The following AMPH variants were observed in gnomAD, a reference collection of about 807,000 sequenced individuals.
The protein encoded by AMPH is amphiphysin, also known as amphiphysin (Stiff-Mann syndrome with breast cancer 128kD autoantigen).
In AMPH, 49 loss-of-function variants were observed where a neutral mutation model predicts 99.1. The observed-to-expected ratio is 0.49, with a 90% CI of 0.39 to 0.63. The LOEUF is 0.63. Among genes scored for constraint, AMPH ranks in the 20% least tolerant of loss-of-function variants. The pLI, the probability that AMPH is intolerant of heterozygous loss-of-function variation, is 0.00. For missense variants in AMPH, 759 were observed against 863.4 expected (o/e 0.88, Z 1.52); for synonymous variants, 314 against 317.3 (o/e 0.99, Z 0.11).
At chr7:38,631,238 C>G in intron 1 of AMPH, 45 bp downstream of exon 1, 1 of 1,495,098 alleles carries the variant, frequency 6.7e-7, no homozygotes, top group Admixed American at 2.2e-5. Context: ...CGGCCAAGCC[C>G]CCGCCTGGCG....
At chr7:38,406,731 C>CCTCTCCCTCTCT (rs1785011929) in intron 17 of AMPH, among the ~76,000 whole-genome samples, 2 of 80,550 alleles carry the variant, frequency 2.5e-5, no homozygotes, top group African/African-American at 1.1e-4. Context: ...TCTCCCTTTC[C>CCTCTCCCTCTCT]CTCTCTCTCT....
At chr7:38,508,646 A>G (rs1387951146) in intron 2 of AMPH, among the ~76,000 whole-genome samples, 7 of 152,206 alleles carry the variant, frequency 4.6e-5, no homozygotes. Flanking sequence ...TACAAAGGTG[A>G]GTCCTGTCAT....
intron 17 of AMPH, among the ~76,000 whole-genome samples, chr7:38,408,367 T>C (rs1328493306): frequency 2.0e-5 from 3 of 152,242 alleles, no homozygotes; most frequent in Admixed American, 1.3e-4. Context: ...GTACACATAC[T>C]ATCTGGGCAT....
At chr7:38,423,179 CT>C (rs1785654030) in intron 15 of AMPH, among the ~76,000 whole-genome samples, 2 of 152,136 alleles carry the variant, frequency 1.3e-5, no homozygotes. Context: ...TGAATTCAAT[CT>C]CACTATATTA....
rs1554353093 is a variant in AMPH, at chr7:38,525,244, T to TTC, written c.150+9686_150+9687insGA. ...AATATATAGTTGTGTATATATGTAG[T>TTC]TGTGTGTGTGTGTGTATATATATAT... On this transcript the variant is annotated intron_variant, in intron 2 of 20. Coordinates refer to ENST00000356264, the MANE Select transcript of AMPH (RefSeq NM_001635.4). Among the ~76,000 whole-genome samples the TTC allele has an allele frequency of 6.6e-3, 804 of 122,600 alleles. 7 individuals carry two copies. Among genetic ancestry groups the TTC allele is most frequent in the Non-Finnish European group, 0.011 (659 of 62,458 alleles). 80.4% of individuals were successfully genotyped at this position (122,600 alleles called of 152,430 possible). A position where few individuals can be genotyped will look rare whatever the true frequency, so the allele number is the denominator to read the frequency against.
chr7:38,472,849 C>T (rs979687795), intron 7 of AMPH, among the ~76,000 whole-genome samples: 1 of 152,072 alleles, frequency 6.6e-6, no homozygotes, highest in Non-Finnish European at 1.5e-5. Context: ...CAAAATTATC[C>T]CTCAGATATT....
intron 5 of AMPH, among the ~76,000 whole-genome samples, chr7:38,478,314 T>A (rs369835100): frequency 6.6e-6 from 1 of 152,032 alleles, no homozygotes; most frequent in Non-Finnish European, 1.5e-5. Context: ...ACCTAAGAAT[T>A]TGAAAATATT....
intron 1 of AMPH, among the ~76,000 whole-genome samples, chr7:38,567,274 C>G (rs1191935236): frequency 6.6e-6 from 1 of 152,126 alleles, no homozygotes; most frequent in Non-Finnish European, 1.5e-5. Flanking sequence ...TCATTCTCAG[C>G]AAACTATCAC....
chr7:38,501,401 T>C (rs1056350653), intron 3 of AMPH, among the ~76,000 whole-genome samples: 1 of 152,144 alleles, frequency 6.6e-6, no homozygotes, highest in African/African-American at 2.4e-5. Context: ...CCCAGGCTCA[T>C]CTTGAACTCC....
chr7:38,538,248 T>C, intron 1 of AMPH, among the ~76,000 whole-genome samples: 1 of 152,172 alleles, frequency 6.6e-6, no homozygotes, highest in South Asian at 2.1e-4. Context: ...CCATAATAAA[T>C]GTATTACATT....
rs1794458874 is a variant in AMPH at position 38,631,372 on chromosome 7, G to C, written c.-21C>G. 6.5e-7 allele frequency: 1 copy of C among 1,536,824 alleles called. No individual in the cohort carries two copies. The highest frequency in any genetic ancestry group is 1.4e-5 in the African/African-American group (1 of 70,334). ...GCCATGGCTGCGGGTCCGGGGAGCT[G>C]CGAAGAGCAGAGCGCGCAGCGGGGC... On this transcript the variant is annotated 5_prime_UTR_variant, in exon 1 of 21. Coordinates refer to ENST00000356264, the MANE Select transcript of AMPH (RefSeq NM_001635.4).
At chr7:38,451,872 A>T (rs565672435) in intron 11 of AMPH, among the ~76,000 whole-genome samples, 2 of 152,274 alleles carry the variant, frequency 1.3e-5, no homozygotes, top group East Asian at 3.9e-4. Context: ...ATAGGGAACA[A>T]TTTTTTGGAC....
Position 38,436,358 on chromosome 7 carries a change from T to A in AMPH, c.1048A>T (p.Thr350Ser). 6.2e-7 allele frequency: 1 copy of A among 1,614,044 alleles called. No homozygotes were observed. Among genetic ancestry groups the A allele is most frequent in the Non-Finnish European group, 8.5e-7 (1 of 1,179,972 alleles). Residue 350 changes from threonine (T) to serine (S), a missense_variant, in exon 12 of 21, where the codon ACT becomes TCT. This residue lies in a region of AMPH where 554 missense variants were observed against 575.6 expected (regional missense o/e 0.96). Coordinates refer to ENST00000356264, the MANE Select transcript of AMPH (RefSeq NM_001635.4). Reference protein sequence around the residue: ...NEVPEVKKEETLLDLDFDPFK... With the variant: ...NEVPEVKKEESLLDLDFDPFK... ...GGATCAAAGTCCAGATCCAGCAAAG[T>A]CTCCTCTTTCTTCACCTCAGGGACT... is the stretch of plus-strand genomic sequence containing the variant.
At chr7:38,556,034 C>CCCTA (rs1223816001) in intron 1 of AMPH, among the ~76,000 whole-genome samples, 2 of 151,966 alleles carry the variant, frequency 1.3e-5, no homozygotes, top group African/African-American at 4.8e-5. Context: ...ATCCATTGTA[C>CCCTA]CCTAAACCTC....
In AMPH at chr7:38,422,406, C is replaced by T; in HGVS notation, c.1272+15G>A. 6.2e-7 allele frequency: 1 copy of T among 1,610,060 alleles called. No individual in the cohort carries two copies. ...ACTAACAACTTCCTGAGAGCACAAA[C>T]CCAAATCAACTTACCAAGTTGCAGA... On this transcript the variant is annotated intron_variant, in intron 16 of 20. Transcript: ENST00000356264.
chr7:38,386,700 C>T (rs1032393861), intron 20 of AMPH, among the ~76,000 whole-genome samples: 1 of 152,054 alleles, frequency 6.6e-6, no homozygotes, highest in African/African-American at 2.4e-5. Flanking sequence ...AAACAAACAA[C>T]TCTTGGTTAT....
rs187164272 is a variant in AMPH at position 38,501,471 on chromosome 7, A to T, written c.205+2179T>A. On this transcript the variant is annotated intron_variant, in intron 3 of 20. Transcript: ENST00000356264. Reference sequence around the variant, plus strand: ...AAGTGCTCGGATTAAAGGTGGTGTGAGCCACTGTGCCTGGCTGTAACTCAC... The same window carrying T: ...AAGTGCTCGGATTAAAGGTGGTGTGTGCCACTGTGCCTGGCTGTAACTCAC... Among the ~76,000 whole-genome samples, 443 of 152,288 alleles carry T rather than the reference A, an allele frequency of 2.9e-3. 1 individual carries two copies. The highest frequency in any genetic ancestry group is 0.01 in the African/African-American group (433 of 41,554).
At chr7:38,580,515 T>C (rs974347673) in intron 1 of AMPH, among the ~76,000 whole-genome samples, 2 of 152,106 alleles carry the variant, frequency 1.3e-5, no homozygotes, top group Non-Finnish European at 2.9e-5. Flanking sequence ...ATATCAAGCC[T>C]GGGGTCGCCA....
chr7:38,387,303 C>T (rs1051431602), intron 20 of AMPH, among the ~76,000 whole-genome samples: 1 of 152,050 alleles, frequency 6.6e-6, no homozygotes, highest in African/African-American at 2.4e-5. Context: ...AGAAATATGC[C>T]CTGAGATGGC....
Sources: gnomAD v4.1 joint callset for allele counts (sites outside exome capture counted in the v4.1 genomes callset) on GRCh38, gnomAD v4.1.1 for gene constraint, gnomAD v4.1.1 regional missense constraint, MANE v1.5 for transcripts, NCBI Gene and HGNC (gene_info 2026-07-23, HGNC 2026-07-21) for gene names.